EAF2: variants seen among roughly 807,000 people sequenced by gnomAD.
EAF2 encodes the protein ELL associated factor 2.
EAF2 carries 29 observed loss-of-function variants against 29.4 expected under a neutral mutation model. That is an observed-to-expected ratio of 0.99 (90% confidence interval 0.73 to 1.35). The LOEUF (loss-of-function observed/expected upper bound fraction) is 1.35, where lower values mean the gene tolerates loss of function less well. Ranked by LOEUF, EAF2 falls within the 40% of genes most tolerant of loss-of-function variation. The pLI, the probability that EAF2 is intolerant of heterozygous loss-of-function variation, is 0.00. For synonymous variants in EAF2, 103 were observed against 102.5 expected (o/e 1.00, Z -0.03); for missense variants, 292 against 312.0 (o/e 0.94, Z 0.48).
At chr3:121,878,953 G>A (rs971934681) in intron 5 of EAF2, among the ~76,000 whole-genome samples, 1 of 152,014 alleles carries the variant, frequency 6.6e-6, no homozygotes, top group Non-Finnish European at 1.5e-5. Flanking sequence ...GTTTTTTGAG[G>A]ACCCTCCATA....
At chr3:121,865,420 A>G (rs924980062) in intron 4 of EAF2, among the ~76,000 whole-genome samples, 15 of 152,156 alleles carry the variant, frequency 9.9e-5, no homozygotes, top group African/African-American at 3.6e-4. Context: ...TCTTGACCCT[A>G]CTGTGCCACT....
chr3:121,877,219 G>A (rs560992596), intron 5 of EAF2, among the ~76,000 whole-genome samples: 104 of 151,126 alleles, frequency 6.9e-4, no homozygotes, highest in African/African-American at 2.2e-3. Context: ...GTGTGTGTGC[G>A]TGTGTGTGTG....
At chr3:121,845,498 G>A (rs368548248) in intron 2 of EAF2, among the ~76,000 whole-genome samples, 8 of 148,070 alleles carry the variant, frequency 5.4e-5, no homozygotes, top group South Asian at 2.1e-4. Flanking sequence ...ATGATTGATA[G>A]CAACAGAGAC....
intron 4 of EAF2, among the ~76,000 whole-genome samples, chr3:121,860,886 G>C (rs958400715): frequency 1.3e-4 from 20 of 152,122 alleles, no homozygotes; most frequent in Non-Finnish European, 1.9e-4. Context: ...GTTCTCATTG[G>C]TTTCAAAGGA....
At position 121,868,787 on chromosome 3, in the gene EAF2, C is replaced by G. The variant is rs141881650; in HGVS notation, c.485-3750C>G. Reference sequence around the variant, plus strand: ...ACAATTATGCCTGGGTATTTCAACACTCTGCTCTCAGCAACTAATAGAACT... The same window carrying G: ...ACAATTATGCCTGGGTATTTCAACAGTCTGCTCTCAGCAACTAATAGAACT... On this transcript the variant is annotated intron_variant, in intron 4 of 5. Coordinates refer to ENST00000273668, the MANE Select transcript of EAF2 (RefSeq NM_018456.6). Among the ~76,000 whole-genome samples the G allele has an allele frequency of 1.8e-3, 274 of 152,300 alleles. 5 individuals carry two copies. The East Asian group carries it at 0.037, about 20-fold the overall frequency.
At chr3:121,866,178 G>T (rs749391303) in intron 4 of EAF2, among the ~76,000 whole-genome samples, 1 of 152,112 alleles carries the variant, frequency 6.6e-6, no homozygotes, top group Non-Finnish European at 1.5e-5. Context: ...GCCTGGTGAA[G>T]TCCCTTCTTT....
intron 5 of EAF2, among the ~76,000 whole-genome samples, chr3:121,883,692 C>A (rs1259226590): frequency 6.6e-6 from 1 of 152,236 alleles, no homozygotes; most frequent in African/African-American, 2.4e-5. Context: ...ACAAGCAACC[C>A]CTCATGTAAA....
At position 121,870,312 on chromosome 3, in the gene EAF2, T is replaced by C. The variant is rs1199994606; in HGVS notation, c.485-2225T>C. ...TTAGCAAATTGAATCCAACATTGTA[T>C]AACAATAATTATGCAACATGAACAA... On this transcript the variant is annotated intron_variant, in intron 4 of 5. Transcript: ENST00000273668. 2.0e-5 allele frequency among the ~76,000 whole-genome samples: 3 copies of C among 152,282 alleles called. No individual in the cohort carries two copies. In the East Asian group the frequency reaches 5.8e-4, roughly 29 times the overall value.
chr3:121,854,911 T>C, intron 3 of EAF2, 88 bp downstream of exon 3: 3 of 1,203,478 alleles, frequency 2.5e-6, no homozygotes, highest in Non-Finnish European at 3.4e-6. Context: ...CATTATAATA[T>C]AGGAGTTATT....
chr3:121,842,888 C>T (rs533145513), intron 1 of EAF2, among the ~76,000 whole-genome samples: 4 of 152,312 alleles, frequency 2.6e-5, no homozygotes, highest in African/African-American at 9.6e-5. Context: ...AACTCCTCAA[C>T]TTATTTTCAG....
At chr3:121,854,568 G>T in intron 2 of EAF2, 119 bp from the exon 3 acceptor site, 2 of 797,428 alleles carry the variant, frequency 2.5e-6, no homozygotes, top group Admixed American at 8.0e-5. Context: ...AATTTAGGTA[G>T]TTTATGGGTG....
intron 5 of EAF2, among the ~76,000 whole-genome samples, chr3:121,874,702 G>A (rs1305819358): frequency 1.3e-5 from 2 of 151,856 alleles, no homozygotes; most frequent in East Asian, 3.8e-4. Flanking sequence ...TAGTTTTTTA[G>A]TAAAACATAG....
intron 3 of EAF2, among the ~76,000 whole-genome samples, 162 bp from the exon 4 acceptor site, chr3:121,856,849 A>G (rs976808490): frequency 2.6e-5 from 4 of 152,230 alleles, no homozygotes; most frequent in African/African-American, 9.6e-5. Flanking sequence ...GAACTTGATA[A>G]ATACTTGTTA....
rs1708487671 is a variant in EAF2, at chr3:121,844,480, CT to C, written c.136del (p.Ser46LeufsTer14). 6.2e-7 allele frequency: 1 copy of C among 1,609,436 alleles called. No individual in the cohort carries two copies. Among genetic ancestry groups the C allele is most frequent in the Non-Finnish European group, 8.5e-7 (1 of 1,178,282 alleles). On this transcript the variant is annotated frameshift_variant, in exon 2 of 6. Coordinates refer to ENST00000273668, the MANE Select transcript of EAF2 (RefSeq NM_018456.6). LOFTEE classifies it high-confidence loss of function. The part of the protein sequence containing the change: ...RYDFKPASID[T>X]SSEGYLEVGE... ...GACTTCAAACCTGCTTCTATTGACA[CT>C]TCTTCTGAAGGATACCTTGAGGTTG...
intron 4 of EAF2, among the ~76,000 whole-genome samples, chr3:121,867,119 G>C (rs1046841076): frequency 2.0e-5 from 3 of 152,100 alleles, no homozygotes; most frequent in African/African-American, 7.2e-5. Flanking sequence ...ATAGAAAATA[G>C]ACTGAAACAA....
At chr3:121,878,514 A>G (rs763228272) in intron 5 of EAF2, among the ~76,000 whole-genome samples, 11 of 152,228 alleles carry the variant, frequency 7.2e-5, no homozygotes, top group Non-Finnish European at 1.3e-4. Flanking sequence ...AAATTTATTT[A>G]ACTGTATTTT....
intron 1 of EAF2, 49 bp downstream of exon 1, chr3:121,835,440 G>A: frequency 1.3e-6 from 2 of 1,531,362 alleles, no homozygotes; most frequent in Admixed American, 1.7e-5. Flanking sequence ...CGGGATGGGG[G>A]TGAAGAGGCA....
chr3:121,848,575 G>C (rs1708571599), intron 2 of EAF2, among the ~76,000 whole-genome samples: 1 of 138,378 alleles, frequency 7.2e-6, no homozygotes, highest in African/African-American at 2.7e-5. Context: ...CCCAAGAAAG[G>C]CAGGATCACT....
intron 4 of EAF2, among the ~76,000 whole-genome samples, chr3:121,863,484 T>C (rs1708868716): frequency 6.6e-6 from 1 of 152,180 alleles, no homozygotes; most frequent in African/African-American, 2.4e-5. Flanking sequence ...TCCGTGGGCA[T>C]GGGACCCTCC....
Sources: allele counts gnomAD v4.1 joint callset (sites outside exome capture counted in the v4.1 genomes callset), GRCh38; gene constraint gnomAD v4.1.1; transcripts MANE v1.5; gene names NCBI Gene and HGNC (gene_info 2026-07-23, HGNC 2026-07-21).